Variants in PHAX observed in about 807,000 individuals in gnomAD.
PHAX encodes phosphorylated adapter RNA export protein.
A neutral mutation model predicts 41.6 loss-of-function variants in PHAX; 31 were observed. That is an observed-to-expected ratio of 0.75 (90% CI 0.56 to 1.01). PHAX has a LOEUF of 1.01. PHAX is among the 50% of genes least tolerant of loss of function. PHAX has a pLI of 0.00. For missense variants in PHAX, 453 were observed against 472.9 expected, an observed-to-expected ratio of 0.96 and a Z score of 0.39; for synonymous variants, 175 against 164.9, an observed-to-expected ratio of 1.06 and a Z score of -0.47.
chr5:126,601,019 C>G lies in PHAX; in HGVS notation c.57C>G (p.Asp19Glu). The G allele has an allele frequency of 1.2e-6, 2 of 1,606,910 alleles. No homozygotes were observed. Among genetic ancestry groups the G allele is most frequent in the Non-Finnish European group, 1.7e-6 (2 of 1,176,882 alleles). Residue 19 changes from aspartate (D) to glutamate (E), a missense_variant, in exon 1 of 5, where the codon GAC (aspartate) becomes GAG (glutamate). Coordinates refer to ENST00000297540, the MANE Select transcript of PHAX (RefSeq NM_032177.4). ...GGCAGCTTTCCGACTCGGATTCCGA[C>G]ATGACGGTCGCACCCAGCGACAGGC... is the stretch of plus-strand genomic sequence containing the variant. ...EDGQLSDSDS[D>E]MTVAPSDRPL...
At chr5:126,614,481 A>G (rs1465536250) in intron 3 of PHAX, among the ~76,000 whole-genome samples, 1 of 152,148 alleles carries the variant, frequency 6.6e-6, no homozygotes, top group Non-Finnish European at 1.5e-5. Context: ...ACCAGTTCAC[A>G]TGGTAAAACA....
At chr5:126,611,455 A>G (rs1460202719) in intron 3 of PHAX, among the ~76,000 whole-genome samples, 2 of 152,162 alleles carry the variant, frequency 1.3e-5, no homozygotes, top group East Asian at 3.8e-4. Flanking sequence ...GGTTGGGGGA[A>G]AGGAAGACAG....
Position 126,617,275 on chromosome 5 carries a change from G to C in PHAX, c.857G>C (p.Gly286Ala). 1 of 1,611,590 alleles carries C rather than the reference G, an allele frequency of 6.2e-7. No homozygotes were observed. The highest frequency in any genetic ancestry group is 8.5e-7 in the Non-Finnish European group (1 of 1,178,116). ...AATGGTAGTCGAAGAAGAACACCAG[G>C]TGGAGTTTTTCTGAATCTCTTGAAA... Reference protein sequence around the residue: ...IMNGSRRRTPGGVFLNLLKNT... With the variant: ...IMNGSRRRTPAGVFLNLLKNT... Residue 286 changes from glycine (G) to alanine (A), a missense_variant, in exon 4 of 5, where the codon GGT (glycine) becomes GCT (alanine). Physicochemically the swap from Gly to Ala is moderately conservative, Grantham distance 60. Coordinates refer to ENST00000297540, the MANE Select transcript of PHAX (RefSeq NM_032177.4).
At position 126,610,119 on chromosome 5, in the gene PHAX, C is replaced by T. The variant is rs1417764764; in HGVS notation, c.831+1635C>T. Among the ~76,000 whole-genome samples the T allele has an allele frequency of 2.6e-5, 4 of 152,106 alleles. No homozygotes were observed. The East Asian group carries it at 7.7e-4, about 29-fold the overall frequency. Reference sequence around the variant, plus strand: ...GTATTTTTGTGTGTATTAAAATTTCCTGGGTATAAGAATGAAAGTTGGGGG... The same window carrying T: ...GTATTTTTGTGTGTATTAAAATTTCTTGGGTATAAGAATGAAAGTTGGGGG... On this transcript the variant is annotated intron_variant, in intron 3 of 4. Transcript: ENST00000297540.
In PHAX at chr5:126,625,085, A is replaced by G. The variant is rs529144038; in HGVS notation, c.*241A>G. 1 of 453,258 alleles carries G rather than the reference A, an allele frequency of 2.2e-6. No individual in the cohort carries two copies. The highest frequency in any genetic ancestry group is 3.8e-5 in the East Asian group (1 of 26,012). 28.1% of individuals were successfully genotyped at this position (453,258 alleles called of 1,614,324 possible). The stretch of plus-strand genomic sequence containing the variant: ...AATTTCTCAATCTGTTGCATGTGCT[A>G]ATTATGAGTATTACTAGTTGATAAT... On this transcript the variant is annotated 3_prime_UTR_variant, in exon 5 of 5. Coordinates refer to ENST00000297540, the MANE Select transcript of PHAX (RefSeq NM_032177.4).
chr5:126,624,745 G>C lies in PHAX; in HGVS notation c.1086G>C (p.Leu362Phe). The change falls in exon 5 of 5, where the codon TTG becomes TTC. Residue 362 changes from leucine to phenylalanine, a missense_variant. Leu to Phe is a conservative substitution (Grantham distance 22). Transcript: ENST00000297540. ...TTGCAAGTGACACGAATGAGGCCTT[G>C]GCCTCTCTTGATGAGTCACAGGAAG... ...ETFASDTNEA[L>F]ASLDESQEGH... 1 of 1,614,166 alleles carries C rather than the reference G, an allele frequency of 6.2e-7. No homozygotes were observed. Among genetic ancestry groups the C allele is most frequent in the Non-Finnish European group, 8.5e-7 (1 of 1,180,018 alleles).
intron 3 of PHAX, among the ~76,000 whole-genome samples, chr5:126,612,192 C>G (rs1752112459): frequency 6.6e-6 from 1 of 152,158 alleles, no homozygotes; most frequent in Admixed American, 6.6e-5. Flanking sequence ...TTACCCTGTA[C>G]TTGGCAAGAC....
At chr5:126,618,415 T>C (rs1005718894) in intron 4 of PHAX, among the ~76,000 whole-genome samples, 1 of 152,010 alleles carries the variant, frequency 6.6e-6, no homozygotes, top group East Asian at 1.9e-4. Flanking sequence ...TATCTCCCAG[T>C]AATGACAATA....
rs747904295 is a variant in PHAX at position 126,617,228 on chromosome 5, C to T, written c.832-22C>T. 26 of 1,537,022 alleles carry T rather than the reference C, an allele frequency of 1.7e-5. No individual in the cohort carries two copies. The East Asian group carries it at 5.4e-4, about 32-fold the overall frequency. ...TTATGGGAAGAGTATATGCAGTTTA[C>T]CTTTTCTGTTCCTTTTTGTAGAATG... On this transcript the variant is annotated intron_variant, in intron 3 of 4. Transcript: ENST00000297540.
intron 3 of PHAX, among the ~76,000 whole-genome samples, chr5:126,611,358 A>T (rs938988653): frequency 2.6e-5 from 4 of 152,158 alleles, no homozygotes; most frequent in Admixed American, 2.6e-4. Context: ...CCGGCCTCCA[A>T]ATTTACTTTC....
chr5:126,605,166 A>G (rs912131005), intron 2 of PHAX, among the ~76,000 whole-genome samples: 2 of 143,448 alleles, frequency 1.4e-5, no homozygotes, highest in Admixed American at 1.4e-4. Context: ...CTGTCCACAG[A>G]TTTTTTTTTT....
At chr5:126,616,985 CTT>C (rs1752196169) in intron 3 of PHAX, among the ~76,000 whole-genome samples, 2 of 151,600 alleles carry the variant, frequency 1.3e-5, no homozygotes, top group Admixed American at 1.3e-4. Flanking sequence ...GCCTATTTCT[CTT>C]TGTTACCATA....
chr5:126,617,872 C>T (rs1752212740), intron 4 of PHAX, among the ~76,000 whole-genome samples: 1 of 152,110 alleles, frequency 6.6e-6, no homozygotes, highest in Admixed American at 6.6e-5. Flanking sequence ...CCCCAGTCTC[C>T]CAAAGTGCTG....
At chr5:126,615,102 T>C (rs542978155) in intron 3 of PHAX, among the ~76,000 whole-genome samples, 1 of 151,218 alleles carries the variant, frequency 6.6e-6, no homozygotes, top group Admixed American at 6.6e-5. Context: ...TACTATTCTA[T>C]ACCTTGCTTT....
intron 2 of PHAX, among the ~76,000 whole-genome samples, chr5:126,606,883 C>T (rs1244881739): frequency 6.6e-6 from 1 of 152,084 alleles, no homozygotes; most frequent in Non-Finnish European, 1.5e-5. Context: ...TCTCAAACTT[C>T]TAACCTCAGA....
chr5:126,607,387 TC>T (rs1752006522), intron 2 of PHAX, among the ~76,000 whole-genome samples: 3 of 132,832 alleles, frequency 2.3e-5, no homozygotes, highest in Non-Finnish European at 3.1e-5. Flanking sequence ...AGGTCTGAAT[TC>T]TTTTTTTTTT....
chr5:126,603,700 A>G lies in PHAX; in HGVS notation c.227A>G (p.Asp76Gly). Residue 76 changes from aspartate to glycine, a missense_variant, in exon 2 of 5, where the codon GAT becomes GGT. Asp to Gly is a moderately conservative substitution (Grantham distance 94, BLOSUM62 -1). Coordinates refer to ENST00000297540, the MANE Select transcript of PHAX (RefSeq NM_032177.4). ...SEESFSDSDDDSCLWKRKRQK... is the reference protein window; with the variant it reads ...SEESFSDSDDGSCLWKRKRQK... ...GAAAGTTTTTCTGATTCAGATGATG[A>G]TAGCTGTCTTTGGAAACGCAAACGA... 1.9e-6 allele frequency: 3 copies of G among 1,614,194 alleles called. No homozygotes were observed. The highest frequency in any genetic ancestry group is 1.7e-6 in the Non-Finnish European group (2 of 1,180,042).
At chr5:126,606,576 A>G in intron 2 of PHAX, among the ~76,000 whole-genome samples, 1 of 152,250 alleles carries the variant, frequency 6.6e-6, no homozygotes, top group Admixed American at 6.5e-5. Flanking sequence ...TGAATATTCT[A>G]CTTTTTGGCT....
In PHAX at chr5:126,610,854, T is replaced by A. The variant is rs1752083669; in HGVS notation, c.831+2370T>A. Among the ~76,000 whole-genome samples the A allele has an allele frequency of 2.6e-5, 4 of 151,828 alleles. No homozygotes were observed. In the South Asian group the frequency reaches 8.3e-4, roughly 31 times the overall value. On this transcript the variant is annotated intron_variant, in intron 3 of 4. Transcript: ENST00000297540. ...CTGAGTAGCTGGGATTGCAGGTGCG[T>A]GCCACCGCGCTTGGCTAATTTTTTG...
Sources: allele counts gnomAD v4.1 joint callset (sites outside exome capture counted in the v4.1 genomes callset), GRCh38; gene constraint gnomAD v4.1.1; transcripts MANE v1.5; gene names NCBI Gene and HGNC (gene_info 2026-07-23, HGNC 2026-07-21).